The following CDK5RAP2 variants were observed in gnomAD, a reference collection of about 807,000 sequenced individuals.
The protein encoded by CDK5RAP2 is CDK5 regulatory subunit associated protein 2, also known as CDK5 regulatory subunit-associated protein 2.
Under a neutral mutation model 232.9 loss-of-function variants are expected in CDK5RAP2, and 147 were observed. The ratio of observed to expected loss-of-function variants is 0.63; its 90% CI spans 0.55 to 0.72. The LOEUF (loss-of-function observed/expected upper bound fraction) is 0.72. Ranked by LOEUF, CDK5RAP2 falls within the 30% of genes least tolerant of loss-of-function variation. The pLI is 0.00. For synonymous variants in CDK5RAP2, 833 were observed against 833.7 expected, an observed-to-expected ratio of 1.00 and a Z score of 0.01; for missense variants, 2,195 against 2,231.5, an observed-to-expected ratio of 0.98 and a Z score of 0.33.
chr9:120,539,148 A>G lies in CDK5RAP2; in HGVS notation c.400T>C (p.Leu134=). The change falls in exon 6 of 38, where the codon TTA becomes CTA. Residue 134 remains leucine, a synonymous_variant. Coordinates refer to ENST00000349780, the MANE Select transcript of CDK5RAP2 (RefSeq NM_018249.6). The stretch of plus-strand genomic sequence containing the variant: ...ATTTCAGAGCCACCTGCTTCAGCTA[A>G]GCTCTCAACTGCTTTGCTGCAAAAA... The part of the protein sequence containing the change: ...LIKASKAVES[L]AEAGGSEIQR... 1 of 1,613,974 alleles carries G rather than the reference A, an allele frequency of 6.2e-7. No individual in the cohort carries two copies. The highest frequency in any genetic ancestry group is 8.5e-7 in the Non-Finnish European group (1 of 1,179,884).
chr9:120,389,707 A>G (rs904115091), intron 37 of CDK5RAP2, 34 bp downstream of exon 37: 4 of 1,607,066 alleles, frequency 2.5e-6, no homozygotes, highest in African/African-American at 2.7e-5. Context: ...CTGACCTTCC[A>G]CTGGCCTGCA....
chr9:120,533,654 CT>C (rs2041255269), intron 7 of CDK5RAP2, among the ~76,000 whole-genome samples: 1 of 151,868 alleles, frequency 6.6e-6, no homozygotes, highest in Non-Finnish European at 1.5e-5. Flanking sequence ...ATTAGCCAGG[CT>C]TTTTTGGTGG....
intron 25 of CDK5RAP2, among the ~76,000 whole-genome samples, chr9:120,429,855 AACTATACTACAAGGCT>A (rs2035168298): frequency 6.6e-6 from 1 of 152,232 alleles, no homozygotes; most frequent in Non-Finnish European, 1.5e-5. Flanking sequence ...CCTGACTTCA[AACTATACTACAAGGCT>A]ACAGTAACCA....
At chr9:120,526,927 T>C (rs554644352) in intron 10 of CDK5RAP2, among the ~76,000 whole-genome samples, 1 of 152,214 alleles carries the variant, frequency 6.6e-6, no homozygotes, top group East Asian at 1.9e-4. Context: ...CTACTTATCC[T>C]TTCAGATGCA....
At chr9:120,471,637 A>C in intron 16 of CDK5RAP2, 111 bp downstream of exon 16, 467 of 1,492,236 alleles carry the variant, frequency 3.1e-4, no homozygotes, top group Non-Finnish European at 4.0e-4. Context: ...TCTCCAAACG[A>C]AACCCCGTGT....
At chr9:120,443,122 C>T (rs537094593) in intron 23 of CDK5RAP2, among the ~76,000 whole-genome samples, 14 of 152,244 alleles carry the variant, frequency 9.2e-5, no homozygotes, top group African/African-American at 3.1e-4. Flanking sequence ...CTGCCCTCAC[C>T]CGTATCTCTG....
chr9:120,535,794 T>C (rs966749579), intron 7 of CDK5RAP2, among the ~76,000 whole-genome samples: 4 of 152,224 alleles, frequency 2.6e-5, no homozygotes, highest in African/African-American at 9.6e-5. Context: ...TCGTGGATCA[T>C]CAAAGAGCTC....
chr9:120,517,572 T>C (rs907355787), intron 12 of CDK5RAP2, among the ~76,000 whole-genome samples: 1 of 152,226 alleles, frequency 6.6e-6, no homozygotes, highest in Non-Finnish European at 1.5e-5. Context: ...TTAAGTATAA[T>C]TGAAATTTAA....
At chr9:120,418,645 A>G (rs2034381518) in intron 27 of CDK5RAP2, among the ~76,000 whole-genome samples, 1 of 152,176 alleles carries the variant, frequency 6.6e-6, no homozygotes, top group Non-Finnish European at 1.5e-5. Flanking sequence ...ACCAAGAAAA[A>G]CCAAGTACTC....
intron 16 of CDK5RAP2, among the ~76,000 whole-genome samples, 166 bp from the exon 17 acceptor site, chr9:120,470,386 T>C (rs576409023): frequency 7.9e-5 from 12 of 152,240 alleles, no homozygotes; most frequent in African/African-American, 2.4e-4. Flanking sequence ...GGCACCACCT[T>C]TGGAGCAAAA....
At chr9:120,447,431 C>T (rs1359459801) in intron 22 of CDK5RAP2, among the ~76,000 whole-genome samples, 1 of 152,136 alleles carries the variant, frequency 6.6e-6, no homozygotes, top group African/African-American at 2.4e-5. Flanking sequence ...GCAGAGCCAG[C>T]AGGTTCAAAG....
intron 11 of CDK5RAP2, among the ~76,000 whole-genome samples, chr9:120,520,951 G>A (rs949671506): frequency 6.6e-6 from 1 of 150,644 alleles, no homozygotes; most frequent in African/African-American, 2.5e-5. Context: ...TATCTCATAT[G>A]AGCTGTATCT....
chr9:120,568,539 G>C (rs2042730873), intron 2 of CDK5RAP2, 151 bp from the exon 3 acceptor site: 1 of 721,018 alleles, frequency 1.4e-6, no homozygotes, highest in South Asian at 1.4e-5. Context: ...TACTGATTTT[G>C]CTCCAGGGAA....
chr9:120,407,593 T>C (rs1479845061), intron 31 of CDK5RAP2: 1 of 273,130 alleles, frequency 3.7e-6, no homozygotes, highest in Non-Finnish European at 7.0e-6. Flanking sequence ...CACACTATAT[T>C]AAAAAGACAC....
At position 120,539,174 on chromosome 9, in the gene CDK5RAP2, G is replaced by C. The variant is rs368060840; in HGVS notation, c.384-10C>G. The C allele has an allele frequency of 1.2e-6, 2 of 1,613,686 alleles. No homozygotes were observed. The highest frequency in any genetic ancestry group is 1.7e-6 in the Non-Finnish European group (2 of 1,179,784). ...GCTCTCAACTGCTTTGCTGCAAAAA[G>C]AGGCACAGGGGTAAAACATGCAAGG... On this transcript the variant is annotated splice_polypyrimidine_tract_variant and intron_variant, in intron 5 of 37. Coordinates refer to ENST00000349780, the MANE Select transcript of CDK5RAP2 (RefSeq NM_018249.6).
At chr9:120,411,275 G>T in intron 29 of CDK5RAP2, 83 bp downstream of exon 29, 2 of 832,758 alleles carry the variant, frequency 2.4e-6, no homozygotes, top group Non-Finnish European at 4.3e-6. Flanking sequence ...TACTTAGGTT[G>T]GTCAGACTCC....
chr9:120,554,904 A>T (rs1043104984), intron 3 of CDK5RAP2, among the ~76,000 whole-genome samples: 11 of 152,106 alleles, frequency 7.2e-5, no homozygotes, highest in Non-Finnish European at 1.6e-4. Flanking sequence ...GAGTGCTGGG[A>T]TTACAGGCAT....
Position 120,473,315 on chromosome 9 carries a change from T to C in CDK5RAP2, c.1728-1437A>G, listed in dbSNP as rs79862104. On this transcript the variant is annotated intron_variant, in intron 15 of 37. Coordinates refer to ENST00000349780, the MANE Select transcript of CDK5RAP2 (RefSeq NM_018249.6). ...ATCTATGGTTCCCTAAAAATGTCCA[T>C]CAATGCCATGAAATTATCTGCAAAA... is the stretch of plus-strand genomic sequence containing the variant. 1.2e-3 allele frequency among the ~76,000 whole-genome samples: 177 copies of C among 152,334 alleles called. 7 individuals are homozygous for C. The East Asian group carries it at 0.033, about 28-fold the overall frequency.
chr9:120,460,807 A>G, intron 18 of CDK5RAP2, 140 bp from the exon 19 acceptor site: 1 of 1,417,062 alleles, frequency 7.1e-7, no homozygotes, highest in South Asian at 1.3e-5. Flanking sequence ...CAAATGCCAA[A>G]GCCATGAAAT....
Sources: allele counts gnomAD v4.1 joint callset (sites outside exome capture counted in the v4.1 genomes callset), GRCh38; gene constraint gnomAD v4.1.1; transcripts MANE v1.5; gene names NCBI Gene and HGNC (gene_info 2026-07-23, HGNC 2026-07-21).